Variants in CDH1 observed in about 807,000 individuals in gnomAD.
CDH1 encodes the protein cadherin-1.
CDH1 carries 35 observed loss-of-function variants against 84.5 expected under a neutral mutation model. That is an observed-to-expected ratio of 0.41 (90% CI 0.32 to 0.55). The LOEUF is 0.55. Among genes scored for constraint, CDH1 ranks in the 20% least tolerant of loss-of-function variants. CDH1 has a pLI of 0.19. For synonymous variants in CDH1, 417 were observed against 439.0 expected, an observed-to-expected ratio of 0.95 and a Z score of 0.63; for missense variants, 994 against 1,126.6, an observed-to-expected ratio of 0.88 and a Z score of 1.68.
In CDH1 at chr16:68,754,819, A is replaced by G. The variant is rs1234428951; in HGVS notation, c.163+16408A>G. ...AGAGAAAAAGCCCTGTCCTCATGGA[A>G]TTTCTCTTCTAATTGGAGGGGACAG... is the stretch of plus-strand genomic sequence containing the variant. On this transcript the variant is annotated intron_variant, in intron 2 of 15. Transcript: ENST00000261769. Among the ~76,000 whole-genome samples the G allele has an allele frequency of 2.0e-5, 3 of 152,160 alleles. No homozygotes were observed. The East Asian group carries it at 5.8e-4, about 29-fold the overall frequency.
intron 9 of CDH1, among the ~76,000 whole-genome samples, chr16:68,814,781 G>A (rs1019171164): frequency 3.3e-5 from 5 of 152,148 alleles, no homozygotes; most frequent in South Asian, 2.1e-4. Context: ...CTAGCCAAGC[G>A]CAGTAGTGTA....
At chr16:68,772,042 G>A (rs1353091371) in intron 2 of CDH1, among the ~76,000 whole-genome samples, 1 of 152,192 alleles carries the variant, frequency 6.6e-6, no homozygotes, top group African/African-American at 2.4e-5. Context: ...GCCCAAGGTG[G>A]CATAGTTGAT....
intron 2 of CDH1, among the ~76,000 whole-genome samples, chr16:68,757,446 A>G (rs1310870443): frequency 1.3e-5 from 2 of 152,174 alleles, no homozygotes; most frequent in Non-Finnish European, 2.9e-5. Context: ...TAATTTGGTT[A>G]TGATTTTTCA....
intron 2 of CDH1, among the ~76,000 whole-genome samples, chr16:68,739,092 G>A (rs1962489377): frequency 6.6e-6 from 1 of 151,630 alleles, no homozygotes; most frequent in Non-Finnish European, 1.5e-5. Flanking sequence ...GGTTATCATG[G>A]GCATGTGCCA....
At chr16:68,820,351 AATT>A (rs1961106596) in intron 11 of CDH1, among the ~76,000 whole-genome samples, 1 of 147,354 alleles carries the variant, frequency 6.8e-6, no homozygotes, top group African/African-American at 2.5e-5. Flanking sequence ...TTTGCTGTTT[AATT>A]TTTTTTTTTT....
At chr16:68,790,073 A>G (rs1960167627) in intron 2 of CDH1, among the ~76,000 whole-genome samples, 1 of 152,154 alleles carries the variant, frequency 6.6e-6, no homozygotes, top group African/African-American at 2.4e-5. Flanking sequence ...AAAAACAAAA[A>G]CAAAAAACCC....
At chr16:68,738,940 T>TC (rs1420296271) in intron 2 of CDH1, among the ~76,000 whole-genome samples, 1 of 69,076 alleles carries the variant, frequency 1.4e-5, no homozygotes, top group East Asian at 3.6e-4. Flanking sequence ...TAAAAGCTTT[T>TC]TTTTTTTTTT....
chr16:68,752,380 T>A (rs1021174765), intron 2 of CDH1, among the ~76,000 whole-genome samples: 4 of 152,198 alleles, frequency 2.6e-5, no homozygotes, highest in African/African-American at 9.6e-5. Flanking sequence ...TCACTGCGGG[T>A]CTCCTCCCAC....
chr16:68,794,886 G>C (rs1960317191), intron 2 of CDH1, among the ~76,000 whole-genome samples: 1 of 151,264 alleles, frequency 6.6e-6, no homozygotes, highest in Non-Finnish European at 1.5e-5. Flanking sequence ...TAGAGACGGG[G>C]TTTCACCGTG....
chr16:68,754,080 G>T, intron 2 of CDH1, among the ~76,000 whole-genome samples: 1 of 142,084 alleles, frequency 7.0e-6, no homozygotes, highest in East Asian at 2.1e-4. Context: ...GTGAGCCATT[G>T]TACTCCAGCC....
intron 11 of CDH1, among the ~76,000 whole-genome samples, chr16:68,821,551 T>G (rs1408001688): frequency 1.3e-5 from 2 of 151,308 alleles, no homozygotes; most frequent in Non-Finnish European, 2.9e-5. Flanking sequence ...ACCCAACTCA[T>G]CCCCTTTGAT....
At chr16:68,793,960 A>T (rs901192170) in intron 2 of CDH1, among the ~76,000 whole-genome samples, 1 of 148,618 alleles carries the variant, frequency 6.7e-6, no homozygotes, top group Admixed American at 6.7e-5. Context: ...AAGTGGGAGG[A>T]TGCTAAAATC....
intron 2 of CDH1, among the ~76,000 whole-genome samples, chr16:68,783,151 C>T (rs901547850): frequency 3.3e-5 from 5 of 151,902 alleles, no homozygotes; most frequent in African/African-American, 9.7e-5. Flanking sequence ...AATCCTGGCA[C>T]TTTGGGAGGC....
At position 68,833,771 on chromosome 16, in the gene CDH1, T is replaced by A. The variant is rs1961560818; in HGVS notation, c.*272T>A. The A allele has an allele frequency of 2.1e-6, 1 of 481,298 alleles. No homozygotes were observed. Among genetic ancestry groups the A allele is most frequent in the African/African-American group, 1.9e-5 (1 of 51,928 alleles). The allele number at this position is 481,298 out of a possible 1,614,324, so 29.8% of individuals were successfully genotyped here. A position where few individuals can be genotyped will look rare whatever the true frequency, so the allele number is the denominator to read the frequency against. ...TGTCCAAAAGATACCCAAATTTTAA[T>A]ATTCCAGAAGAACAACTTTAGCATC... On this transcript the variant is annotated 3_prime_UTR_variant, in exon 16 of 16. Transcript: ENST00000261769.
rs71148949 is a variant in CDH1 at position 68,777,534 on chromosome 16, C to CTTTT, written c.164-24116_164-24113dup. ...AGTGTTCTAGAAAAGGTAATGTTTC[C>CTTTT]TTTTTTTTTTTTTTTTTTTTTTTGA... is the stretch of plus-strand genomic sequence containing the variant. On this transcript the variant is annotated intron_variant, in intron 2 of 15. Transcript: ENST00000261769. Among the ~76,000 whole-genome samples the CTTTT allele has an allele frequency of 7.2e-3, 554 of 76,962 alleles. 33 individuals are homozygous for CTTTT. The highest frequency in any genetic ancestry group is 0.024 in the African/African-American group (499 of 20,422). 50.5% of individuals were successfully genotyped at this position (76,962 alleles called of 152,430 possible).
Position 68,833,939 on chromosome 16 carries a change from T to C in CDH1, c.*440T>C. On this transcript the variant is annotated 3_prime_UTR_variant, in exon 16 of 16. Transcript: ENST00000261769. ...AAATTTGTGTGCTTCTGCTCATTAC[T>C]ACACTGGTGTGTCCCTCTGCCTTTT... The C allele has an allele frequency of 2.9e-6, 1 of 345,462 alleles. No homozygotes were observed. The highest frequency in any genetic ancestry group is 3.8e-5 in the South Asian group (1 of 26,496). 21.4% of individuals were successfully genotyped at this position (345,462 alleles called of 1,614,324 possible).
chr16:68,807,363 G>A (rs747029852), intron 3 of CDH1, among the ~76,000 whole-genome samples: 35 of 152,104 alleles, frequency 2.3e-4, no homozygotes, highest in Admixed American at 3.3e-4. Flanking sequence ...TTGAGGACCT[G>A]TGTCCCCAAG....
intron 11 of CDH1, 128 bp from the exon 12 acceptor site, chr16:68,821,873 C>A (rs1021482600): frequency 2.7e-6 from 2 of 750,642 alleles, no homozygotes; most frequent in African/African-American, 1.7e-5. Flanking sequence ...GGAGGTTCTG[C>A]GGGTGGAGTG....
chr16:68,825,628 A>G (rs1961300486), intron 13 of CDH1, among the ~76,000 whole-genome samples: 1 of 152,078 alleles, frequency 6.6e-6, no homozygotes, highest in African/African-American at 2.4e-5. Flanking sequence ...CTGGACTTTC[A>G]TCCTGCCAGG....
Sources: allele counts gnomAD v4.1 joint callset (sites outside exome capture counted in the v4.1 genomes callset), GRCh38; gene constraint gnomAD v4.1.1; transcripts MANE v1.5; gene names NCBI Gene and HGNC (gene_info 2026-07-23, HGNC 2026-07-21).